PKP4: variants seen among roughly 807,000 people sequenced by gnomAD.
PKP4 encodes plakophilin 4.
PKP4 carries 90 observed loss-of-function variants against 145.1 expected under a neutral mutation model. That is an observed-to-expected ratio of 0.62 (90% confidence interval 0.52 to 0.74). PKP4 has a LOEUF of 0.74. Among genes scored for constraint, PKP4 ranks in the 30% least tolerant of loss-of-function variants. The pLI, the probability that PKP4 is intolerant of heterozygous loss-of-function variation, is 0.00. For missense variants in PKP4, 1,340 were observed against 1,482.7 expected (o/e 0.90, Z 1.58); for synonymous variants, 563 against 577.2 (o/e 0.98, Z 0.35).
At position 158,653,673 on chromosome 2, in the gene PKP4, C is replaced by CTCAACCAAA. The variant is rs531083680; in HGVS notation, c.1910-4456_1910-4448dup. Among the ~76,000 whole-genome samples, 6 of 152,336 alleles carry CTCAACCAAA rather than the reference C, an allele frequency of 3.9e-5. No individual in the cohort carries two copies. In the South Asian group the frequency reaches 1.2e-3, roughly 32 times the overall value. Reference sequence around the variant, plus strand: ...TAAATTAAATAAAACCTCAAGCTTCCTCAACCAAATTCTAGTTTATTTTTA... The same window carrying CTCAACCAAA: ...TAAATTAAATAAAACCTCAAGCTTCCTCAACCAAATCAACCAAATTCTAGTTTATTTTTA... On this transcript the variant is annotated intron_variant, in intron 11 of 21. Transcript: ENST00000389759.
chr2:158,506,783 G>A (rs1274957285), intron 1 of PKP4, among the ~76,000 whole-genome samples: 3 of 152,108 alleles, frequency 2.0e-5, no homozygotes, highest in South Asian at 2.1e-4. Context: ...GAATATGAAC[G>A]GATTGTTGGA....
rs1292576789 is a variant in PKP4 at position 158,631,936 on chromosome 2, G to T, written c.1337G>T (p.Gly446Val). 2 of 1,613,362 alleles carry T rather than the reference G, an allele frequency of 1.2e-6. No individual in the cohort carries two copies. The highest frequency in any genetic ancestry group is 4.5e-5 in the East Asian group (2 of 44,878). Residue 446 changes from glycine to valine, a missense_variant, in exon 8 of 22, where the codon GGT becomes GTT. By Grantham distance (109) the Gly-to-Val change is moderately radical. Transcript: ENST00000389759. The stretch of plus-strand genomic sequence containing the variant: ...TCGCAGACGGCGTTGTATCGCACAG[G>T]TTCAGGTGGGCATCAACTCTGTTTA... ...QGSQTALYRTGSVGIGNLQRT... is the reference protein window; with the variant it reads ...QGSQTALYRTVSVGIGNLQRT...
intron 3 of PKP4, among the ~76,000 whole-genome samples, chr2:158,582,860 T>C (rs1298093868): frequency 6.6e-6 from 1 of 152,178 alleles, no homozygotes; most frequent in Non-Finnish European, 1.5e-5. Context: ...ACTTAGCATA[T>C]GTAGATGGAT....
chr2:158,544,557 A>G (rs1255522848), intron 2 of PKP4, among the ~76,000 whole-genome samples: 4 of 152,138 alleles, frequency 2.6e-5, no homozygotes, highest in African/African-American at 7.2e-5. Flanking sequence ...GTTATATTGT[A>G]TTAATTTCAT....
chr2:158,553,788 C>T (rs578026600), intron 2 of PKP4, among the ~76,000 whole-genome samples: 1 of 152,136 alleles, frequency 6.6e-6, no homozygotes, highest in Admixed American at 6.5e-5. Context: ...GATAACTTAT[C>T]TTTTAGCTTC....
chr2:158,565,427 CT>C (rs1425299080), intron 2 of PKP4, among the ~76,000 whole-genome samples: 1 of 94,130 alleles, frequency 1.1e-5, no homozygotes, highest in Non-Finnish European at 2.2e-5. Context: ...TTTTCTTCTT[CT>C]TTTTTCCTTT....
At chr2:158,657,872 C>T (rs1178426547) in intron 11 of PKP4, among the ~76,000 whole-genome samples, 1 of 152,054 alleles carries the variant, frequency 6.6e-6, no homozygotes, top group Non-Finnish European at 1.5e-5. Context: ...AGTCACCTTG[C>T]CTAATAGATA....
Position 158,603,104 on chromosome 2 carries a change from G to C in PKP4, c.280G>C (p.Asp94His), listed in dbSNP as rs762436766. The C allele has an allele frequency of 4.8e-6, 7 of 1,464,124 alleles. No individual in the cohort carries two copies. The Admixed American group carries it at 1.3e-4, about 26-fold the overall frequency. The allele number at this position is 1,464,124 out of a possible 1,614,324, so 90.7% of individuals were successfully genotyped here. ...TEKSFPWRST[D>H]VPNTGVSKPR... ...GAAGTCATTTCCTTGGAGATCAACA[G>C]GTATGTTTTTTATTATATAAAAGTT... Residue 94 changes from aspartate (D) to histidine (H), a missense_variant and splice_region_variant, in exon 4 of 22, where the codon GAC becomes CAC. Asp to His is a moderately conservative substitution (Grantham distance 81). Transcript: ENST00000389759.
rs184956596 is a variant in PKP4 at position 158,479,484 on chromosome 2, A to G, written c.-6+22266A>G. Among the ~76,000 whole-genome samples, 31 of 152,318 alleles carry G rather than the reference A, an allele frequency of 2.0e-4. No individual in the cohort carries two copies. The East Asian group carries it at 6.0e-3, about 29-fold the overall frequency. On this transcript the variant is annotated intron_variant, in intron 1 of 21. Coordinates refer to ENST00000389759, the MANE Select transcript of PKP4 (RefSeq NM_003628.6). ...AGCGATCGGCCCGCCTTAGCCTCCC[A>G]AAGTGCTGGGATTACAGGCGTGAAC...
intron 1 of PKP4, among the ~76,000 whole-genome samples, chr2:158,504,020 G>A (rs1434585418): frequency 1.6e-5 from 2 of 127,442 alleles, no homozygotes; most frequent in Admixed American, 9.0e-5. Flanking sequence ...AGAAAACATA[G>A]AAAACGTTTG....
At chr2:158,533,814 G>T (rs1010489730) in intron 2 of PKP4, among the ~76,000 whole-genome samples, 1 of 152,202 alleles carries the variant, frequency 6.6e-6, no homozygotes, top group East Asian at 1.9e-4. Context: ...TTGTCGAACT[G>T]TGCCAGTTTG....
chr2:158,549,359 C>T (rs1203746309), intron 2 of PKP4: 1 of 152,102 alleles, frequency 6.6e-6, no homozygotes, highest in Non-Finnish European at 1.5e-5. Context: ...AAAAAATAGG[C>T]TTGAGTCAGT....
intron 4 of PKP4, among the ~76,000 whole-genome samples, chr2:158,614,153 T>C (rs185250208): frequency 1.3e-5 from 2 of 152,292 alleles, no homozygotes; most frequent in East Asian, 3.9e-4. Flanking sequence ...TTTATAGAGA[T>C]ACAAATGGAA....
In PKP4 at chr2:158,549,037, A is replaced by G. The variant is rs1209523414; in HGVS notation, c.132+15721A>G. On this transcript the variant is annotated intron_variant, in intron 2 of 21. Coordinates refer to ENST00000389759, the MANE Select transcript of PKP4 (RefSeq NM_003628.6). ...AAGACCCTGCACCACTGTTGCCTTC[A>G]CACAGGTTAACTTGGAAGACAAAGG... 2.9e-5 allele frequency: 5 copies of G among 172,028 alleles called. No individual in the cohort carries two copies. In the East Asian group the frequency reaches 7.4e-4, roughly 25 times the overall value. The allele number at this position is 172,028 out of a possible 1,614,324, so 10.7% of individuals were successfully genotyped here.
intron 2 of PKP4, among the ~76,000 whole-genome samples, chr2:158,561,465 C>T (rs1312141357): frequency 6.6e-6 from 1 of 152,182 alleles, no homozygotes; most frequent in African/African-American, 2.4e-5. Flanking sequence ...GGATGCCAAG[C>T]CCTGTGGTCT....
intron 2 of PKP4, among the ~76,000 whole-genome samples, chr2:158,568,184 A>T (rs1338203501): frequency 1.3e-5 from 2 of 151,972 alleles, no homozygotes; most frequent in Non-Finnish European, 2.9e-5. Context: ...AAATACAAAA[A>T]ATATATAGCT....
chr2:158,654,632 A>G (rs2105960118), intron 11 of PKP4, among the ~76,000 whole-genome samples: 1 of 152,294 alleles, frequency 6.6e-6, no homozygotes, highest in East Asian at 1.9e-4. Flanking sequence ...GGTTTCAGCA[A>G]CCATCTGTTT....
intron 1 of PKP4, among the ~76,000 whole-genome samples, chr2:158,531,879 G>C (rs1279015073): frequency 1.1e-4 from 17 of 152,136 alleles, no homozygotes; most frequent in Admixed American, 1.1e-3. Flanking sequence ...CATGAGGCTG[G>C]GGAAATGCAC....
intron 12 of PKP4, chr2:158,658,580 G>T: frequency 3.1e-6 from 1 of 324,756 alleles, no homozygotes; most frequent in Non-Finnish European, 5.5e-6. Flanking sequence ...AAATTCCAGT[G>T]TTTTCCACTT....
Sources: gnomAD v4.1 joint callset for allele counts (sites outside exome capture counted in the v4.1 genomes callset) on GRCh38, gnomAD v4.1.1 for gene constraint, MANE v1.5 for transcripts, NCBI Gene and HGNC (gene_info 2026-07-23, HGNC 2026-07-21) for gene names.